HPCAL1: variants seen among roughly 807,000 people sequenced by gnomAD.
HPCAL1 encodes the protein hippocalcin-like protein 1.
Under a neutral mutation model 17.1 loss-of-function variants are expected in HPCAL1, and 8 were observed. The ratio of observed to expected loss-of-function variants is 0.47; its 90% confidence interval spans 0.27 to 0.84. The LOEUF (loss-of-function observed/expected upper bound fraction) is 0.84, where lower values mean the gene tolerates loss of function less well. Ranked by LOEUF, HPCAL1 falls within the 40% of genes least tolerant of loss-of-function variation. The probability of loss-of-function intolerance (pLI) is 0.13; values close to 1 mark genes in which losing one functional copy is unlikely to be tolerated. For missense variants in HPCAL1, 165 were observed against 271.1 expected (o/e 0.61, Z 2.75); for synonymous variants, 112 against 111.4 (o/e 1.01, Z -0.03).
chr2:10,398,634 C>CTA, intron 2 of HPCAL1, among the ~76,000 whole-genome samples: 1 of 152,228 alleles, frequency 6.6e-6, no homozygotes, highest in Admixed American at 6.5e-5. Context: ...AACGCACGCA[C>CTA]GTGGTGTTTC....
At position 10,426,884 on chromosome 2, in the gene HPCAL1, G is replaced by A; in HGVS notation, c.*63G>A. 1.4e-6 allele frequency: 2 copies of A among 1,441,498 alleles called. No individual in the cohort carries two copies. Among genetic ancestry groups the A allele is most frequent in the Middle Eastern group, 2.1e-4 (1 of 4,794 alleles). The allele number at this position is 1,441,498 out of a possible 1,614,324, so 89.3% of individuals were successfully genotyped here. On this transcript the variant is annotated 3_prime_UTR_variant, in exon 5 of 5. Transcript: ENST00000307845. ...TTGTCGTGCCGTTTAAGCTTTGCTT[G>A]CAAGAGTGGATGCCCCGCAATCGTT...
At chr2:10,403,773 G>A (rs537514062) in intron 2 of HPCAL1, among the ~76,000 whole-genome samples, 4 of 151,956 alleles carry the variant, frequency 2.6e-5, no homozygotes, top group Non-Finnish European at 5.9e-5. Flanking sequence ...GTGAGCCACC[G>A]AGTCCGGCCA....
intron 1 of HPCAL1, among the ~76,000 whole-genome samples, chr2:10,372,582 G>A (rs1345487743): frequency 1.3e-5 from 2 of 152,222 alleles, no homozygotes; most frequent in Non-Finnish European, 2.9e-5. Context: ...GCAGAACCCA[G>A]CAGCCGGGGC....
At chr2:10,357,238 A>G (rs1229422236) in intron 1 of HPCAL1, among the ~76,000 whole-genome samples, 2 of 152,218 alleles carry the variant, frequency 1.3e-5, no homozygotes, top group Non-Finnish European at 2.9e-5. Flanking sequence ...GAGGTGGGAC[A>G]TGAGAGGCTT....
At chr2:10,406,875 G>A (rs1321219419) in intron 2 of HPCAL1, among the ~76,000 whole-genome samples, 5 of 152,244 alleles carry the variant, frequency 3.3e-5, no homozygotes, top group Non-Finnish European at 1.5e-5. Flanking sequence ...CGGAAGGGGA[G>A]CATTCTCTTG....
chr2:10,339,781 G>C (rs1204623892), intron 1 of HPCAL1, among the ~76,000 whole-genome samples: 1 of 152,212 alleles, frequency 6.6e-6, no homozygotes, highest in Non-Finnish European at 1.5e-5. Context: ...TTCGGAGATA[G>C]CTCGCCATGT....
intron 1 of HPCAL1, among the ~76,000 whole-genome samples, chr2:10,356,620 C>T (rs1666175387): frequency 6.6e-6 from 1 of 152,168 alleles, no homozygotes; most frequent in Non-Finnish European, 1.5e-5. Context: ...GTCTACCTGG[C>T]TCCATAGCCA....
chr2:10,320,485 G>A (rs117753828), intron 1 of HPCAL1, among the ~76,000 whole-genome samples: 4,164 of 152,242 alleles, frequency 0.027, 85 homozygotes, highest in East Asian at 0.11. Flanking sequence ...CCCTTCTGAC[G>A]TGATTGTAGG....
At position 10,363,805 on chromosome 2, in the gene HPCAL1, G is replaced by A. The variant is rs1666670494; in HGVS notation, c.-110-33030G>A. On this transcript the variant is annotated intron_variant, in intron 1 of 4. Transcript: ENST00000307845. The surrounding 1 kb of genome is among the most constrained non-coding windows in gnomAD (Gnocchi z 4.7). ...GTGTGGGCTGCGTGACCTTGGATGAGTTATTTCCCATCTCTGAGCCTTGGT... is the reference window on the plus strand; with the variant it reads ...GTGTGGGCTGCGTGACCTTGGATGAATTATTTCCCATCTCTGAGCCTTGGT... Among the ~76,000 whole-genome samples, 1 of 152,254 alleles carries A rather than the reference G, an allele frequency of 6.6e-6. No individual in the cohort carries two copies. Among genetic ancestry groups the A allele is most frequent in the South Asian group, 2.1e-4 (1 of 4,834 alleles).
chr2:10,420,212 T>TTA, intron 3 of HPCAL1, 77 bp downstream of exon 3: 13 of 938,672 alleles, frequency 1.4e-5, no homozygotes, highest in Non-Finnish European at 1.9e-5. Flanking sequence ...CCCAGGGCTT[T>TTA]TTTTTTTTTT....
chr2:10,369,782 G>A (rs765892869), intron 1 of HPCAL1, among the ~76,000 whole-genome samples: 32 of 152,142 alleles, frequency 2.1e-4, no homozygotes, highest in Admixed American at 4.6e-4. Flanking sequence ...TGCCGTGTTC[G>A]GATCCACTAG....
At chr2:10,411,174 G>A (rs955113182) in intron 2 of HPCAL1, among the ~76,000 whole-genome samples, 1 of 152,142 alleles carries the variant, frequency 6.6e-6, no homozygotes, top group African/African-American at 2.4e-5. Context: ...CTGTCCTGGC[G>A]AGCACAAGCA....
intron 1 of HPCAL1, among the ~76,000 whole-genome samples, chr2:10,372,106 A>G (rs1473652030): frequency 6.6e-6 from 1 of 152,258 alleles, no homozygotes; most frequent in African/African-American, 2.4e-5. Context: ...TGCACAGTGA[A>G]TATGTATCAG....
Position 10,420,009 on chromosome 2 carries a change from G to A in HPCAL1, c.252G>A (p.Glu84=), listed in dbSNP as rs1282989065. 5 of 1,613,904 alleles carry A rather than the reference G, an allele frequency of 3.1e-6. No individual in the cohort carries two copies. The highest frequency in any genetic ancestry group is 2.5e-6 in the Non-Finnish European group (3 of 1,180,042). ...GCGACGGCACCATCGACTTCCGGGA[G>A]TTCATCATTGCGCTGAGCGTGACCT... ...TNGDGTIDFR[E]FIIALSVTSR... The change falls in exon 3 of 5, where the codon GAG becomes GAA. Residue 84 remains glutamate (E), a synonymous_variant. Coordinates refer to ENST00000307845, the MANE Select transcript of HPCAL1 (RefSeq NM_002149.4).
intron 1 of HPCAL1, among the ~76,000 whole-genome samples, chr2:10,328,239 G>A (rs1472445769): frequency 6.6e-5 from 10 of 152,230 alleles, no homozygotes; most frequent in Non-Finnish European, 1.5e-4. Context: ...TGACTTGTCT[G>A]AGGGTTAACA....
chr2:10,403,272 ATGT>A (rs1669742980), intron 2 of HPCAL1, among the ~76,000 whole-genome samples: 1 of 152,048 alleles, frequency 6.6e-6, no homozygotes. Flanking sequence ...TTATTTTTAA[ATGT>A]TTTTCTCAAG....
Position 10,386,520 on chromosome 2 carries a change from C to T in HPCAL1, c.-110-10315C>T, listed in dbSNP as rs751229776. Among the ~76,000 whole-genome samples the T allele has an allele frequency of 2.6e-3, 403 of 152,100 alleles. 3 individuals carry two copies. The highest frequency in any genetic ancestry group is 4.5e-3 in the Non-Finnish European group (308 of 67,994). ...CCCCCAGGTTACAGGTAAGCCCTCC[C>T]AAGTGGCCCAGGGCCCTGGGAGGGG... On this transcript the variant is annotated intron_variant, in intron 1 of 4. Transcript: ENST00000307845.
At chr2:10,345,265 C>A (rs1038639943) in intron 1 of HPCAL1, among the ~76,000 whole-genome samples, 3 of 152,106 alleles carry the variant, frequency 2.0e-5, no homozygotes, top group African/African-American at 7.2e-5. Context: ...CTAGAGGAAC[C>A]TTTTTCCCAG....
chr2:10,311,903 TATC>T (rs986125846), intron 1 of HPCAL1, among the ~76,000 whole-genome samples: 17 of 150,282 alleles, frequency 1.1e-4, no homozygotes, highest in Admixed American at 4.0e-4. Flanking sequence ...TTGCTGTCGC[TATC>T]ATCATCATCA....
Sources: allele counts gnomAD v4.1 joint callset (sites outside exome capture counted in the v4.1 genomes callset), GRCh38; gene constraint gnomAD v4.1.1; non-coding constraint Gnocchi (gnomAD v3.1); transcripts MANE v1.5; gene names NCBI Gene and HGNC (gene_info 2026-07-23, HGNC 2026-07-21).